Variants in PRKN observed in about 807,000 individuals in gnomAD.
The protein encoded by PRKN is E3 ubiquitin-protein ligase parkin.
A neutral mutation model predicts 59.5 loss-of-function variants in PRKN; 56 were observed. The ratio of observed to expected loss-of-function variants is 0.94; its 90% CI spans 0.76 to 1.18. The LOEUF (loss-of-function observed/expected upper bound fraction) is 1.18. PRKN is among the 50% of genes most tolerant of loss of function. The pLI, the probability that PRKN is intolerant of heterozygous loss-of-function variation, is 0.00. For synonymous variants in PRKN, 250 were observed against 222.1 expected, an observed-to-expected ratio of 1.13 and a Z score of -1.12; for missense variants, 657 against 596.4, an observed-to-expected ratio of 1.10 and a Z score of -1.06.
intron 1 of PRKN, among the ~76,000 whole-genome samples, chr6:162,534,722 A>G (rs1778648822): frequency 6.6e-6 from 1 of 152,084 alleles, no homozygotes; most frequent in Admixed American, 6.6e-5. Flanking sequence ...TAATTGCTAA[A>G]CATGTTTCCA....
chr6:161,790,588 A>G (rs1471012707), intron 6 of PRKN, among the ~76,000 whole-genome samples: 1 of 152,158 alleles, frequency 6.6e-6, no homozygotes, highest in Non-Finnish European at 1.5e-5. Flanking sequence ...GACCCCGGAA[A>G]GCTCCCACAC....
At chr6:161,756,850 T>G (rs1257192828) in intron 7 of PRKN, among the ~76,000 whole-genome samples, 1 of 151,950 alleles carries the variant, frequency 6.6e-6, no homozygotes. Context: ...TAAATGTAAA[T>G]CTACAGAAAT....
rs71004079 is a variant in PRKN, at chr6:162,096,848, A to ATTTTTTTTTTT, written c.535-42685_535-42675dup. On this transcript the variant is annotated intron_variant, in intron 4 of 11. Coordinates refer to ENST00000366898, the MANE Select transcript of PRKN (RefSeq NM_004562.3). ...GTGAGAATGGACTCATACAGCTGGAATTTTTTTTTTTTTTTTTTTTTTTTT... is the reference window on the plus strand; with the variant it reads ...GTGAGAATGGACTCATACAGCTGGAATTTTTTTTTTTTTTTTTTTTTTTTTTTTTTTTTTTT... Among the ~76,000 whole-genome samples the ATTTTTTTTTTT allele has an allele frequency of 2.8e-4, 14 of 49,208 alleles. 2 individuals are homozygous for ATTTTTTTTTTT. The highest frequency in any genetic ancestry group is 1.5e-3 in the East Asian group (2 of 1,324). 32.3% of individuals were successfully genotyped at this position (49,208 alleles called of 152,430 possible).
At chr6:162,386,671 C>A (rs375611009) in intron 2 of PRKN, among the ~76,000 whole-genome samples, 1 of 152,254 alleles carries the variant, frequency 6.6e-6, no homozygotes, top group South Asian at 2.1e-4. Context: ...GTGAAATATG[C>A]GTGTACGTAC....
chr6:161,618,550 C>T (rs1782776444), intron 7 of PRKN, among the ~76,000 whole-genome samples: 1 of 152,196 alleles, frequency 6.6e-6, no homozygotes, highest in Non-Finnish European at 1.5e-5. Context: ...ATGCCCAAAC[C>T]TACCTACAAA....
intron 7 of PRKN, among the ~76,000 whole-genome samples, chr6:161,726,169 G>T (rs576817120): frequency 6.6e-6 from 1 of 152,292 alleles, no homozygotes; most frequent in East Asian, 1.9e-4. Flanking sequence ...ATAAAATTTA[G>T]TTCACTTTCT....
chr6:161,436,141 GGATGGGAGGGCAGAGAGGAGGGGGCGA>G (rs1415387474), intron 9 of PRKN, among the ~76,000 whole-genome samples: 4 of 130,658 alleles, frequency 3.1e-5, no homozygotes, highest in Admixed American at 7.6e-5. Context: ...GCAGAGGCTG[GGATGGGAGGGCAGAGAGGAGGGGGCGA>G]GATGGGAGGG....
intron 8 of PRKN, among the ~76,000 whole-genome samples, chr6:161,557,104 T>G (rs1458255106): frequency 6.6e-6 from 1 of 152,196 alleles, no homozygotes; most frequent in African/African-American, 2.4e-5. Context: ...ACAATAACTG[T>G]TTTTCTCCTG....
At chr6:162,291,573 A>G (rs1781429847) in intron 2 of PRKN, among the ~76,000 whole-genome samples, 1 of 152,096 alleles carries the variant, frequency 6.6e-6, no homozygotes, top group East Asian at 1.9e-4. Context: ...ACATTTCGAG[A>G]TGCCTCACCT....
Position 162,090,996 on chromosome 6 carries a change from A to G in PRKN, c.535-36822T>C, listed in dbSNP as rs187519072. 1.4e-4 allele frequency among the ~76,000 whole-genome samples: 22 copies of G among 152,282 alleles called. No homozygotes were observed. The East Asian group carries it at 4.0e-3, about 28-fold the overall frequency. On this transcript the variant is annotated intron_variant, in intron 4 of 11. Transcript: ENST00000366898. ...AATACAAGATTCTTAATTAGCAACCATGTGGCTTCACTTTAAATAGCCTTG... is the reference window on the plus strand; with the variant it reads ...AATACAAGATTCTTAATTAGCAACCGTGTGGCTTCACTTTAAATAGCCTTG...
intron 5 of PRKN, among the ~76,000 whole-genome samples, chr6:162,013,195 A>G (rs1476161641): frequency 2.6e-5 from 4 of 152,148 alleles, no homozygotes; most frequent in Admixed American, 6.6e-5. Flanking sequence ...TGGTTATATC[A>G]TACAGACCCA....
chr6:162,472,712 C>G (rs1383177208), intron 1 of PRKN, among the ~76,000 whole-genome samples: 1 of 123,190 alleles, frequency 8.1e-6, no homozygotes, highest in East Asian at 2.8e-4. Context: ...AGGATGGTCT[C>G]GATCTCCTGA....
At position 161,592,550 on chromosome 6, in the gene PRKN, C is replaced by T. The variant is rs188924229; in HGVS notation, c.872-23134G>A. On this transcript the variant is annotated intron_variant, in intron 7 of 11. Transcript: ENST00000366898. The surrounding 1 kb of genome is among the most constrained non-coding windows in gnomAD (Gnocchi z 4.8). ...CTGGTCTAGATAAGAGGAATACAGA[C>T]GATTAGACACAGTTCCTATGCTCAG... 2.7e-4 allele frequency among the ~76,000 whole-genome samples: 41 copies of T among 152,000 alleles called. No individual in the cohort carries two copies. The highest frequency in any genetic ancestry group is 5.8e-4 in the East Asian group (3 of 5,174).
chr6:162,398,470 A>C (rs1195477056), intron 2 of PRKN, among the ~76,000 whole-genome samples: 4 of 152,006 alleles, frequency 2.6e-5, no homozygotes, highest in African/African-American at 9.7e-5. Flanking sequence ...GGCTCACTGA[A>C]ACCTCTGCCT....
chr6:162,569,752 C>T (rs1780237059), intron 1 of PRKN: 1 of 519,422 alleles, frequency 1.9e-6, no homozygotes, highest in Non-Finnish European at 3.6e-6. Flanking sequence ...CCCCTCCCAG[C>T]CTGCCCCTCT....
chr6:162,110,030 T>G (rs1353433337), intron 4 of PRKN, among the ~76,000 whole-genome samples: 1 of 152,240 alleles, frequency 6.6e-6, no homozygotes, highest in Non-Finnish European at 1.5e-5. Flanking sequence ...TATGTTGAAT[T>G]CTGTTCATAA....
chr6:162,326,974 T>C (rs985977898), intron 2 of PRKN, among the ~76,000 whole-genome samples: 1 of 152,194 alleles, frequency 6.6e-6, no homozygotes, highest in South Asian at 2.1e-4. Flanking sequence ...TACCCTATTA[T>C]CACAGATTCT....
chr6:162,715,896 G>C (rs1392718508), intron 1 of PRKN, among the ~76,000 whole-genome samples: 1 of 152,198 alleles, frequency 6.6e-6, no homozygotes, highest in African/African-American at 2.4e-5. Context: ...CTGCTCAGGA[G>C]TCCAGTCTGT....
rs184120721 is a variant in PRKN, at chr6:162,057,207, T to C, written c.535-3033A>G. Among the ~76,000 whole-genome samples the C allele has an allele frequency of 1.2e-3, 183 of 152,278 alleles. 1 individual carries two copies. Among genetic ancestry groups the C allele is most frequent in the African/African-American group, 4.3e-3 (177 of 41,560 alleles). On this transcript the variant is annotated intron_variant, in intron 4 of 11. Coordinates refer to ENST00000366898, the MANE Select transcript of PRKN (RefSeq NM_004562.3). ...CAAGCCGTTTCATTTTCTTTGCACA[T>C]CCCACTGTGTTCACGATAATGGAAG...
Sources: allele counts gnomAD v4.1 joint callset (sites outside exome capture counted in the v4.1 genomes callset), GRCh38; gene constraint gnomAD v4.1.1; non-coding constraint Gnocchi (gnomAD v3.1); transcripts MANE v1.5; gene names NCBI Gene and HGNC (gene_info 2026-07-23, HGNC 2026-07-21).